KDM6A: variants seen among roughly 807,000 people sequenced by gnomAD.
The protein encoded by KDM6A is lysine-specific demethylase 6A.
In KDM6A, 11 loss-of-function variants were observed where a neutral mutation model predicts 117.6. The observed-to-expected ratio is 0.09, with a 90% CI of 0.06 to 0.15. The LOEUF (loss-of-function observed/expected upper bound fraction) is 0.15, where lower values mean the gene tolerates loss of function less well. Ranked by LOEUF, KDM6A falls within the 10% of genes least tolerant of loss-of-function variation. KDM6A has a pLI of 1.00. For synonymous variants in KDM6A, 384 were observed against 396.1 expected (o/e 0.97, Z 0.36); for missense variants, 799 against 1,077.3 (o/e 0.74, Z 3.62).
intron 2 of KDM6A, among the ~76,000 whole-genome samples, chrX:44,940,684 A>G (rs1385908480): frequency 2.7e-5 from 3 of 112,108 alleles, no homozygotes; most frequent in African/African-American, 9.7e-5. Flanking sequence ...AGTTCACTTA[A>G]TTAATCATTG....
At chrX:45,025,099 C>T (rs1428186613) in intron 6 of KDM6A, among the ~76,000 whole-genome samples, 3 of 112,195 alleles carry the variant, frequency 2.7e-5, no homozygotes, top group Admixed American at 1.9e-4. Flanking sequence ...TGTTTTTCTT[C>T]TCTGCTTCAG....
chrX:44,885,994 A>G (rs2032831976), intron 2 of KDM6A, among the ~76,000 whole-genome samples: 1 of 111,767 alleles, frequency 8.9e-6, no homozygotes, highest in Non-Finnish European at 1.9e-5. Context: ...TTTATCACAC[A>G]AATGAGATCA....
chrX:44,912,213 C>T (rs1422579893), intron 2 of KDM6A, among the ~76,000 whole-genome samples: 3 of 110,606 alleles, frequency 2.7e-5, no homozygotes, highest in Non-Finnish European at 5.7e-5. Flanking sequence ...CTCAGCCTCC[C>T]GAGTAGCTGG....
chrX:44,909,698 AC>A (rs1448618094), intron 2 of KDM6A, among the ~76,000 whole-genome samples: 1 of 112,175 alleles, frequency 8.9e-6, no homozygotes, highest in African/African-American at 3.2e-5. Context: ...AATGTATCTC[AC>A]AGTCCAGTTA....
rs188730937 is a variant in KDM6A at position 44,996,659 on chromosome X, A to G, written c.385-14302A>G. On this transcript the variant is annotated intron_variant, in intron 4 of 29. Coordinates refer to ENST00000611820, the MANE Select transcript of KDM6A (RefSeq NM_001291415.2). ...AATTGTCCAGAAGGTAATTCAGACTATAATAAGGAAATGATTCTGTATAAA... is the reference window on the plus strand; with the variant it reads ...AATTGTCCAGAAGGTAATTCAGACTGTAATAAGGAAATGATTCTGTATAAA... 6.3e-5 allele frequency among the ~76,000 whole-genome samples: 7 copies of G among 110,775 alleles called. No individual in the cohort carries two copies. In the East Asian group the frequency reaches 8.7e-4, roughly 14 times the overall value.
rs78749806 is a variant in KDM6A at position 45,047,674 on chromosome X, C to CTTTTTTTTTTTTTTTTTTTTTTT, written c.655-4028_655-4006dup. On this transcript the variant is annotated intron_variant, in intron 8 of 29. Transcript: ENST00000611820. Reference sequence around the variant, plus strand: ...TCAAATATCTGCTTGCTTTTTTTTTCTTTTTTTTTTTTTTTTTTTTTTTTT... The same window carrying CTTTTTTTTTTTTTTTTTTTTTTT: ...TCAAATATCTGCTTGCTTTTTTTTTCTTTTTTTTTTTTTTTTTTTTTTTTTTTTTTTTTTTTTTTTTTTTTTTT... 6.6e-4 allele frequency among the ~76,000 whole-genome samples: 24 copies of CTTTTTTTTTTTTTTTTTTTTTTT among 36,360 alleles called. 10 individuals are homozygous for CTTTTTTTTTTTTTTTTTTTTTTT. The highest frequency in any genetic ancestry group is 2.2e-3 in the East Asian group (2 of 907). 31.6% of individuals were successfully genotyped at this position (36,360 alleles called of 115,157 possible).
At chrX:44,918,998 G>C (rs913860638) in intron 2 of KDM6A, among the ~76,000 whole-genome samples, 5 of 111,688 alleles carry the variant, frequency 4.5e-5, no homozygotes, top group Non-Finnish European at 9.4e-5. Context: ...TATTCTGACA[G>C]ATCATAAAAA....
intron 28 of KDM6A, among the ~76,000 whole-genome samples, chrX:45,109,825 G>C (rs1449308716): frequency 8.9e-6 from 1 of 111,867 alleles, no homozygotes; most frequent in Non-Finnish European, 1.9e-5. Flanking sequence ...GGCTTTGCCA[G>C]TGGTTGTCAT....
intron 2 of KDM6A, among the ~76,000 whole-genome samples, chrX:44,944,229 G>A (rs909487170): frequency 2.7e-5 from 3 of 110,481 alleles, no homozygotes; most frequent in Admixed American, 9.7e-5. Context: ...TTGGGCGCCT[G>A]TAATTCCAGC....
chrX:44,923,450 T>G (rs1379532425), intron 2 of KDM6A, among the ~76,000 whole-genome samples: 1 of 109,312 alleles, frequency 9.1e-6, no homozygotes, highest in East Asian at 2.8e-4. Context: ...GTCTTTTTCT[T>G]TGCTGTATCT....
intron 2 of KDM6A, among the ~76,000 whole-genome samples, chrX:44,876,654 C>T (rs1033998662): frequency 3.8e-4 from 32 of 83,213 alleles, no homozygotes; most frequent in Non-Finnish European, 6.4e-4. Flanking sequence ...ATTTAGTCTG[C>T]ACTTTGTATA....
intron 4 of KDM6A, among the ~76,000 whole-genome samples, chrX:44,981,695 T>C (rs1250429887): frequency 4.5e-5 from 5 of 111,392 alleles, no homozygotes; most frequent in Non-Finnish European, 9.4e-5. Flanking sequence ...TGAAGCTACA[T>C]AGGGGGCTGC....
intron 4 of KDM6A, among the ~76,000 whole-genome samples, chrX:44,999,769 G>T (rs1231257539): frequency 9.0e-6 from 1 of 111,369 alleles, no homozygotes; most frequent in Non-Finnish European, 1.9e-5. Flanking sequence ...GGATAAGGTG[G>T]AGGATAGTTA....
chrX:44,918,047 T>G (rs750680033), intron 2 of KDM6A, among the ~76,000 whole-genome samples: 1 of 111,925 alleles, frequency 8.9e-6, no homozygotes, highest in South Asian at 3.7e-4. Context: ...TTACAGTGTC[T>G]TATACCAAGG....
intron 2 of KDM6A, among the ~76,000 whole-genome samples, chrX:44,888,512 T>C (rs1455135136): frequency 8.9e-6 from 1 of 112,138 alleles, no homozygotes; most frequent in East Asian, 2.8e-4. Flanking sequence ...GATTTTGACC[T>C]AGAAGGAGGG....
intron 27 of KDM6A, among the ~76,000 whole-genome samples, chrX:45,100,661 A>G (rs1480625494): frequency 9.0e-6 from 1 of 110,795 alleles, no homozygotes; most frequent in African/African-American, 3.3e-5. Context: ...GCCAGACACT[A>G]ACACATTCTA....
At chrX:45,030,161 T>A (rs983797940) in intron 6 of KDM6A, among the ~76,000 whole-genome samples, 1 of 109,980 alleles carries the variant, frequency 9.1e-6, no homozygotes, top group African/African-American at 3.3e-5. Flanking sequence ...ATAAGTCATT[T>A]GGGAGTAAAT....
Position 44,991,880 on chromosome X carries a change from C to T in KDM6A, c.384+17165C>T, listed in dbSNP as rs376154938. Among the ~76,000 whole-genome samples the T allele has an allele frequency of 6.4e-5, 7 of 109,858 alleles. 1 individual carries two copies. The highest frequency in any genetic ancestry group is 3.9e-4 in the South Asian group (1 of 2,560). ...TTTTTTTTTGTATTTTTAGTAGAGA[C>T]GGGGTTTCACCATGGCCAGGCTGGT... On this transcript the variant is annotated intron_variant, in intron 4 of 29. Transcript: ENST00000611820.
rs1207071774 is a variant in KDM6A, at chrX:45,039,826, G to A, written c.654+2137G>A. On this transcript the variant is annotated intron_variant, in intron 8 of 29. Transcript: ENST00000611820. ...ATGTTTCAGAGAGCACAGGGTTGGG[G>A]ATAAGGTCACAGATCAACAGGATCC... 7.6e-5 allele frequency among the ~76,000 whole-genome samples: 3 copies of A among 39,389 alleles called. No individual in the cohort carries two copies. The South Asian group carries it at 3.9e-3, about 52-fold the overall frequency. 34.2% of individuals were successfully genotyped at this position (39,389 alleles called of 115,157 possible). A position where few individuals can be genotyped will look rare whatever the true frequency, so the allele number is the denominator to read the frequency against.
Sources: gnomAD v4.1 joint callset for allele counts (sites outside exome capture counted in the v4.1 genomes callset) on GRCh38, gnomAD v4.1.1 for gene constraint, MANE v1.5 for transcripts, NCBI Gene and HGNC (gene_info 2026-07-23, HGNC 2026-07-21) for gene names.